The following ELP6 variants were observed in gnomAD, a reference collection of about 807,000 sequenced individuals.
The protein encoded by ELP6 is elongator complex protein 6.
A neutral mutation model predicts 28.1 loss-of-function variants in ELP6; 23 were observed. That is an observed-to-expected ratio of 0.82 (90% CI 0.59 to 1.16). The LOEUF is 1.16. ELP6 is among the 50% of genes most tolerant of loss of function. The probability of loss-of-function intolerance (pLI) is 0.00; values close to 1 mark genes in which losing one functional copy is unlikely to be tolerated. For synonymous variants in ELP6, 132 were observed against 135.8 expected (o/e 0.97, Z 0.19); for missense variants, 313 against 334.6 (o/e 0.94, Z 0.50).
intron 5 of ELP6, chr3:47,498,667 A>T (rs1334419525): frequency 1.0e-6 from 1 of 985,300 alleles, no homozygotes; most frequent in Non-Finnish European, 1.2e-6. Context: ...AGCTCACTTC[A>T]TCTAAACCAA....
chr3:47,509,266 A>T (rs1708941388), intron 3 of ELP6, among the ~76,000 whole-genome samples: 1 of 152,116 alleles, frequency 6.6e-6, no homozygotes, highest in African/African-American at 2.4e-5. Context: ...CTGGCCCAAG[A>T]CTGGCATTTT....
Position 47,497,899 on chromosome 3 carries a change from C to G in ELP6, c.672+387G>C, listed in dbSNP as rs1321281649. The G allele has an allele frequency of 4.1e-6, 4 of 966,988 alleles. No individual in the cohort carries two copies. In the East Asian group the frequency reaches 4.6e-4, roughly 111 times the overall value. The allele number at this position is 966,988 out of a possible 1,614,324, so 59.9% of individuals were successfully genotyped here. A position where few individuals can be genotyped will look rare whatever the true frequency, so the allele number is the denominator to read the frequency against. On this transcript the variant is annotated intron_variant, in intron 6 of 6. Coordinates refer to ENST00000296149, the MANE Select transcript of ELP6 (RefSeq NM_001031703.3). ...TGAGCCAAGATCGCGCCACTGCACT[C>G]TAGCCTAGGTGACAGAGCAAGACTC...
At chr3:47,500,427 T>C (rs1708613955) in intron 5 of ELP6, 1 of 175,528 alleles carries the variant, frequency 5.7e-6, no homozygotes, top group African/African-American at 2.4e-5. Context: ...ATGTGCATAA[T>C]TGTACAGACT....
At chr3:47,496,356 A>G in intron 6 of ELP6, 159 bp from the exon 7 acceptor site, 2 of 985,344 alleles carry the variant, frequency 2.0e-6, no homozygotes, top group African/African-American at 1.7e-5. Context: ...AATAAAGCCT[A>G]TCACCAGCTA....
chr3:47,507,256 G>A (rs576620268), intron 3 of ELP6, among the ~76,000 whole-genome samples: 1 of 151,696 alleles, frequency 6.6e-6, no homozygotes, highest in African/African-American at 2.4e-5. Context: ...AGCTACCTGG[G>A]AAACTGAGGC....
At chr3:47,506,133 G>A (rs1276570721) in intron 3 of ELP6, among the ~76,000 whole-genome samples, 1 of 152,198 alleles carries the variant, frequency 6.6e-6, no homozygotes, top group Admixed American at 6.5e-5. Context: ...CGCAAAACCA[G>A]CAAGTTTTTA....
intron 6 of ELP6, chr3:47,497,013 T>C (rs1029333910): frequency 1.9e-5 from 19 of 985,024 alleles, no homozygotes; most frequent in Admixed American, 1.2e-4. Context: ...ACTACACACA[T>C]AGTACTGCTG....
chr3:47,498,596 C>T, intron 5 of ELP6, 164 bp from the exon 6 acceptor site: 1 of 985,390 alleles, frequency 1.0e-6, no homozygotes, highest in Non-Finnish European at 1.2e-6. Context: ...GACCCTAATT[C>T]CAGTCACCTA....
intron 5 of ELP6, 73 bp from the exon 6 acceptor site, chr3:47,498,505 C>G (rs561512472): frequency 1.3e-6 from 2 of 1,574,106 alleles, no homozygotes; most frequent in Non-Finnish European, 1.7e-6. Context: ...GCCAGCCTCT[C>G]GTTGCCTCCA....
chr3:47,510,377 A>G (rs1708979874), intron 2 of ELP6, 123 bp from the exon 3 acceptor site: 2 of 682,996 alleles, frequency 2.9e-6, no homozygotes, highest in Non-Finnish European at 2.5e-6. Context: ...GCAACCTGAC[A>G]TACGCAATTT....
rs188738222 is a variant in ELP6 at position 47,506,862 on chromosome 3, G to A, written c.205-2414C>T. ...GTATTAATTTGGGGAACTAATAAAC[G>A]TCCATGAAATCTTCACAATCCACGT... is the stretch of plus-strand genomic sequence containing the variant. On this transcript the variant is annotated intron_variant, in intron 3 of 6. Coordinates refer to ENST00000296149, the MANE Select transcript of ELP6 (RefSeq NM_001031703.3). 8.1e-4 allele frequency among the ~76,000 whole-genome samples: 123 copies of A among 152,258 alleles called. 2 individuals are homozygous for A. In the Middle Eastern group the frequency reaches 0.01, roughly 13 times the overall value.
intron 4 of ELP6, chr3:47,502,302 C>T: frequency 1.7e-6 from 1 of 572,716 alleles, no homozygotes; most frequent in Non-Finnish European, 2.2e-6. Context: ...ACCAGCCACT[C>T]AGGAGGCTGA....
At chr3:47,504,189 T>G (rs1336275600) in intron 4 of ELP6, 141 bp downstream of exon 4, 4 of 1,053,580 alleles carry the variant, frequency 3.8e-6, no homozygotes, top group South Asian at 3.7e-5. Context: ...TTGATGATGC[T>G]GCAACACCAG....
chr3:47,513,633 G>C lies in ELP6; in HGVS notation c.-43C>G. 1 of 1,611,586 alleles carries C rather than the reference G, an allele frequency of 6.2e-7. No homozygotes were observed. Among genetic ancestry groups the C allele is most frequent in the Admixed American group, 1.7e-5 (1 of 59,734 alleles). On this transcript the variant is annotated 5_prime_UTR_variant, in exon 1 of 7. Coordinates refer to ENST00000296149, the MANE Select transcript of ELP6 (RefSeq NM_001031703.3). ...AGCGCTCTGGAGGAGAACCCGGAGT[G>C]CTGCAGAGACGACGGAGGCTGGAGA...
At chr3:47,498,070 A>C in intron 6 of ELP6, 1 of 1,395,884 alleles carries the variant, frequency 7.2e-7, no homozygotes, top group Non-Finnish European at 9.4e-7. Flanking sequence ...CACTTTGGTC[A>C]CAAATGGGAC....
chr3:47,513,327 T>A, intron 1 of ELP6: 1 of 1,385,774 alleles, frequency 7.2e-7, no homozygotes. Context: ...GCACAGCCGT[T>A]GAGAATATGC....
In ELP6 at chr3:47,509,106, G is replaced by A. The variant is rs374111121; in HGVS notation, c.204+1078C>T. Among the ~76,000 whole-genome samples, 31 of 150,888 alleles carry A rather than the reference G, an allele frequency of 2.1e-4. No individual in the cohort carries two copies. In the East Asian group the frequency reaches 4.9e-3, roughly 24 times the overall value. On this transcript the variant is annotated intron_variant, in intron 3 of 6. Coordinates refer to ENST00000296149, the MANE Select transcript of ELP6 (RefSeq NM_001031703.3). ...ATTGAAACGCTGTGTCACTCTATAG[G>A]AGCATGCCAACCACCTGGCTAATTT...
chr3:47,511,264 T>C, intron 1 of ELP6, 38 bp from the exon 2 acceptor site: 1 of 1,604,782 alleles, frequency 6.2e-7, no homozygotes, highest in Non-Finnish European at 8.5e-7. Context: ...TTAGACTCCC[T>C]GGAAAGAGGT....
chr3:47,505,557 A>G (rs1193208271), intron 3 of ELP6, among the ~76,000 whole-genome samples: 2 of 152,098 alleles, frequency 1.3e-5, no homozygotes, highest in East Asian at 3.9e-4. Flanking sequence ...GGTATGCACC[A>G]CCAGGCTAAT....
Sources: allele counts gnomAD v4.1 joint callset (sites outside exome capture counted in the v4.1 genomes callset), GRCh38; gene constraint gnomAD v4.1.1; transcripts MANE v1.5; gene names NCBI Gene and HGNC (gene_info 2026-07-23, HGNC 2026-07-21).